The following MKLN1 variants were observed in gnomAD, a reference collection of about 807,000 sequenced individuals.
MKLN1 encodes the protein muskelin.
A neutral mutation model predicts 99.0 loss-of-function variants in MKLN1; 18 were observed. The ratio of observed to expected loss-of-function variants is 0.18; its 90% CI spans 0.13 to 0.27. The LOEUF (loss-of-function observed/expected upper bound fraction) is 0.27. Among genes scored for constraint, MKLN1 ranks in the 10% least tolerant of loss-of-function variants. The pLI, the probability that MKLN1 is intolerant of heterozygous loss-of-function variation, is 1.00. For synonymous variants in MKLN1, 288 were observed against 293.2 expected (o/e 0.98, Z 0.18); for missense variants, 621 against 875.9 (o/e 0.71, Z 3.67).
chr7:131,363,371 A>C (rs1800085384), intron 1 of MKLN1, among the ~76,000 whole-genome samples: 1 of 151,950 alleles, frequency 6.6e-6, no homozygotes, highest in Non-Finnish European at 1.5e-5. Context: ...TGTGAATCTT[A>C]TCTCTCCTGG....
At chr7:131,331,495 G>T (rs1057112314) in intron 1 of MKLN1, among the ~76,000 whole-genome samples, 6 of 152,174 alleles carry the variant, frequency 3.9e-5, no homozygotes, top group Admixed American at 6.5e-5. Context: ...AGTTGAAAAT[G>T]TAAGAGGGGC....
intron 2 of MKLN1, among the ~76,000 whole-genome samples, chr7:131,377,896 A>G (rs920617338): frequency 2.0e-5 from 3 of 152,192 alleles, no homozygotes; most frequent in African/African-American, 7.2e-5. Flanking sequence ...TTTGTAATGA[A>G]GAAGGACTAA....
At chr7:131,286,973 C>T (rs1420756501) in intron 3 of MKLN1, among the ~76,000 whole-genome samples, 2 of 152,140 alleles carry the variant, frequency 1.3e-5, no homozygotes, top group African/African-American at 2.4e-5. Flanking sequence ...AGTAGTGGTG[C>T]ACACCTGTGG....
chr7:131,238,176 A>C (rs970753615), intron 3 of MKLN1, among the ~76,000 whole-genome samples: 2 of 152,122 alleles, frequency 1.3e-5, no homozygotes, highest in African/African-American at 4.8e-5. Flanking sequence ...CTAAAGGGCT[A>C]TCTTGAAGAA....
intron 9 of MKLN1, among the ~76,000 whole-genome samples, chr7:131,432,656 C>T (rs1795558882): frequency 6.6e-6 from 1 of 152,112 alleles, no homozygotes; most frequent in African/African-American, 2.4e-5. Context: ...TCATGTTGAC[C>T]AGGATGGTCT....
chr7:131,177,530 T>C (rs1032572125), intron 2 of MKLN1, among the ~76,000 whole-genome samples: 1 of 151,622 alleles, frequency 6.6e-6, no homozygotes, highest in African/African-American at 2.4e-5. Flanking sequence ...GTGGTTTTTA[T>C]GCTATTTACT....
Position 131,127,137 on chromosome 7 carries a change from C to T in MKLN1, c.-418-15683C>T, listed in dbSNP as rs143998672. ...CCGAGATCATGCCATTGCACTCTAA[C>T]CTGGGTGACAAGAGCAAAACTCCAT... On this transcript the variant is annotated intron_variant, in intron 1 of 7. Coordinates refer to the MKLN1 transcript ENST00000416992. 5.7e-3 allele frequency among the ~76,000 whole-genome samples: 830 copies of T among 146,870 alleles called. 7 individuals carry two copies. Among genetic ancestry groups the T allele is most frequent in the Middle Eastern group, 0.011 (3 of 280 alleles).
At chr7:131,224,143 G>A (rs958271421) in intron 3 of MKLN1, among the ~76,000 whole-genome samples, 3 of 152,252 alleles carry the variant, frequency 2.0e-5, no homozygotes, top group Admixed American at 6.5e-5. Context: ...GCTCAAACCT[G>A]TAATCCCAGC....
chr7:131,216,250 A>C (rs1299949165), intron 3 of MKLN1, among the ~76,000 whole-genome samples: 1 of 151,912 alleles, frequency 6.6e-6, no homozygotes, highest in African/African-American at 2.4e-5. Flanking sequence ...AAATACAAAA[A>C]ACTGTACTGA....
At chr7:131,363,458 A>G (rs1800087720) in intron 1 of MKLN1, among the ~76,000 whole-genome samples, 1 of 151,968 alleles carries the variant, frequency 6.6e-6, no homozygotes, top group Non-Finnish European at 1.5e-5. Flanking sequence ...CTCTGTTTTC[A>G]TGAAAGTAAG....
chr7:131,346,245 G>A (rs995085338), intron 1 of MKLN1, among the ~76,000 whole-genome samples: 3 of 152,170 alleles, frequency 2.0e-5, no homozygotes, highest in Middle Eastern at 3.4e-3. Flanking sequence ...ATATTAGGGC[G>A]GGTGTGGTGG....
chr7:131,166,150 G>A (rs1348968644), intron 2 of MKLN1, among the ~76,000 whole-genome samples: 1 of 152,090 alleles, frequency 6.6e-6, no homozygotes, highest in Admixed American at 6.5e-5. Flanking sequence ...CGGTAGGAAT[G>A]GACAGAGAAG....
At position 131,114,938 on chromosome 7, in the gene MKLN1, GA is replaced by G. The variant is rs762049373; in HGVS notation, c.-419+4744del. Reference sequence around the variant, plus strand: ...GCAACAGAGCAAGACTCTGTCTCAAGAAAAAAAAAAAAAGCAAAGCAAAGAA... The same window carrying G: ...GCAACAGAGCAAGACTCTGTCTCAAGAAAAAAAAAAAAGCAAAGCAAAGAA... On this transcript the variant is annotated intron_variant, in intron 1 of 7. Coordinates refer to the MKLN1 transcript ENST00000416992. Among the ~76,000 whole-genome samples, 164 of 120,942 alleles carry G rather than the reference GA, an allele frequency of 1.4e-3. 1 individual carries two copies. The highest frequency in any genetic ancestry group is 3.5e-3 in the Admixed American group (42 of 11,978). 79.3% of individuals were successfully genotyped at this position (120,942 alleles called of 152,430 possible).
At chr7:131,332,443 C>CTTT (rs897096159) in intron 1 of MKLN1, among the ~76,000 whole-genome samples, 1 of 148,150 alleles carries the variant, frequency 6.7e-6, no homozygotes, top group Non-Finnish European at 1.5e-5. Context: ...AAAATAGACA[C>CTTT]TTTTTATATC....
At position 131,429,021 on chromosome 7, in the gene MKLN1, TG is replaced by T; in HGVS notation, c.848-11del. On this transcript the variant is annotated splice_polypyrimidine_tract_variant and intron_variant, in intron 8 of 17. Transcript: ENST00000352689. ...CCTTTTTTTTTTACACATATTTTTC[TG>T]ATTTTCATAGAGACTGTTTATTTGT... 1 of 1,606,714 alleles carries T rather than the reference TG, an allele frequency of 6.2e-7. No homozygotes were observed. Among genetic ancestry groups the T allele is most frequent in the Non-Finnish European group, 8.5e-7 (1 of 1,174,584 alleles).
chr7:131,331,081 A>G (rs1799059870), intron 1 of MKLN1, among the ~76,000 whole-genome samples: 2 of 152,222 alleles, frequency 1.3e-5, no homozygotes, highest in African/African-American at 4.8e-5. Context: ...TTTTGTATCT[A>G]ATAATGATGC....
At chr7:131,213,641 G>C (rs772612486) in intron 3 of MKLN1, among the ~76,000 whole-genome samples, 14 of 152,176 alleles carry the variant, frequency 9.2e-5, no homozygotes, top group Non-Finnish European at 1.9e-4. Context: ...AAAACGATGA[G>C]TCTAGACAAT....
In MKLN1 at chr7:131,495,213, T is replaced by C. The variant is rs559488674; in HGVS notation, c.*7485T>C. On this transcript the variant is annotated 3_prime_UTR_variant, in exon 18 of 18. Transcript: ENST00000352689. ...AAATTAAGATCCCCTCTGATAGAGA[T>C]AGATTCTCAAAACCAAAATTGGACT... is the stretch of plus-strand genomic sequence containing the variant. The C allele has an allele frequency of 2.0e-5, 3 of 152,322 alleles. No homozygotes were observed. Among genetic ancestry groups the C allele is most frequent in the South Asian group, 2.1e-4 (1 of 4,834 alleles). The allele number at this position is 152,322 out of a possible 1,614,324, so 9.4% of individuals were successfully genotyped here. A position where few individuals can be genotyped will look rare whatever the true frequency, so the allele number is the denominator to read the frequency against.
chr7:131,300,519 TA>T (rs572144976), intron 3 of MKLN1, among the ~76,000 whole-genome samples: 81 of 139,008 alleles, frequency 5.8e-4, no homozygotes, highest in East Asian at 1.1e-3. Flanking sequence ...TGTCTCTAGT[TA>T]AAAAAAAAAA....
Sources: allele counts gnomAD v4.1 joint callset (sites outside exome capture counted in the v4.1 genomes callset), GRCh38; gene constraint gnomAD v4.1.1; transcripts MANE v1.5; gene names NCBI Gene and HGNC (gene_info 2026-07-23, HGNC 2026-07-21).